The following ZBTB10 variants were observed in gnomAD, a reference collection of about 807,000 sequenced individuals.
ZBTB10 encodes zinc finger and BTB domain-containing protein 10.
In ZBTB10, 32 loss-of-function variants were observed where a neutral mutation model predicts 76.4. The observed-to-expected ratio is 0.42, with a 90% CI of 0.32 to 0.56. The LOEUF is 0.56. Among genes scored for constraint, ZBTB10 ranks in the 20% least tolerant of loss-of-function variants. The pLI, the probability that ZBTB10 is intolerant of heterozygous loss-of-function variation, is 0.14. For missense variants in ZBTB10, 1,057 were observed against 1,098.5 expected (o/e 0.96, Z 0.53); for synonymous variants, 523 against 432.9 (o/e 1.21, Z -2.58).
chr8:80,508,070 C>T (rs1010846979), intron 2 of ZBTB10, among the ~76,000 whole-genome samples: 2 of 152,146 alleles, frequency 1.3e-5, no homozygotes. Flanking sequence ...GCTTTCCTTC[C>T]CTGTATCATA....
At chr8:80,498,271 C>G (rs150605309) in intron 1 of ZBTB10, among the ~76,000 whole-genome samples, 1 of 152,338 alleles carries the variant, frequency 6.6e-6, no homozygotes, top group East Asian at 1.9e-4. Flanking sequence ...CCTGTTTACA[C>G]TCTAGTGTTT....
chr8:80,491,263 A>G (rs1210104105), intron 1 of ZBTB10, among the ~76,000 whole-genome samples: 3 of 152,178 alleles, frequency 2.0e-5, no homozygotes, highest in African/African-American at 2.4e-5. Context: ...ACAGTTGCCT[A>G]AAGTATTCCT....
At chr8:80,500,411 C>T (rs761857577) in intron 2 of ZBTB10, 29 bp downstream of exon 2, 1 of 1,468,530 alleles carries the variant, frequency 6.8e-7, no homozygotes, top group South Asian at 1.5e-5. Context: ...AGGATACTTC[C>T]TTGTTCATCC....
At position 80,507,798 on chromosome 8, in the gene ZBTB10, G is replaced by C. The variant is rs1473746149; in HGVS notation, c.1862-6112G>C. Among the ~76,000 whole-genome samples the C allele has an allele frequency of 2.0e-5, 3 of 152,236 alleles. No individual in the cohort carries two copies. The South Asian group carries it at 6.2e-4, about 32-fold the overall frequency. On this transcript the variant is annotated intron_variant, in intron 2 of 5. Coordinates refer to ENST00000455036, the MANE Select transcript of ZBTB10 (RefSeq NM_001105539.3). Reference sequence around the variant, plus strand: ...ATTTTTAAAATAGAGACAGGGTCTCGTTATGTTGCCCACACTGGTGTCCAG... The same window carrying C: ...ATTTTTAAAATAGAGACAGGGTCTCCTTATGTTGCCCACACTGGTGTCCAG...
intron 2 of ZBTB10, among the ~76,000 whole-genome samples, chr8:80,513,154 C>T (rs481477): frequency 0.45 from 67,401 of 151,340 alleles, 19,402 homozygotes; most frequent in African/African-American, 0.83. Flanking sequence ...ACTGTTTTTT[C>T]TTTTGAGTTG....
chr8:80,487,301 A>G lies in ZBTB10; in HGVS notation c.491A>G (p.Glu164Gly). ...NGRGPATVDL[E>G]LDALEGKELM... Reference sequence around the variant, plus strand: ...CGAGGGCCGGCGACTGTGGATCTGGAGCTGGACGCGCTGGAGGGGAAGGAG... The same window carrying G: ...CGAGGGCCGGCGACTGTGGATCTGGGGCTGGACGCGCTGGAGGGGAAGGAG... The change falls in exon 1 of 6, where the codon GAG (glutamate) becomes GGG (glycine). Residue 164 changes from glutamate to glycine, a missense_variant. Glu to Gly is a moderately conservative substitution (Grantham distance 98, BLOSUM62 -2). Around this residue, in one of 5 missense-constraint regions of ZBTB10, gnomAD observed 556 missense variants for 451.7 expected, o/e 1.23. Coordinates refer to ENST00000455036, the MANE Select transcript of ZBTB10 (RefSeq NM_001105539.3). The G allele has an allele frequency of 6.5e-7, 1 of 1,547,112 alleles. No homozygotes were observed. Among genetic ancestry groups the G allele is most frequent in the African/African-American group, 1.4e-5 (1 of 73,048 alleles).
rs377246011 is a variant in ZBTB10 at position 80,503,121 on chromosome 8, C to G, written c.1861+2739C>G. ...AATGAATTTAAAATTTAAAAATAAG[C>G]TGTGCCACCTACCCCCTGTAGTCCA... On this transcript the variant is annotated intron_variant, in intron 2 of 5. Coordinates refer to ENST00000455036, the MANE Select transcript of ZBTB10 (RefSeq NM_001105539.3). Among the ~76,000 whole-genome samples the G allele has an allele frequency of 1.1e-3, 170 of 152,262 alleles. 1 individual carries two copies. The highest frequency in any genetic ancestry group is 4.0e-3 in the African/African-American group (168 of 41,548).
chr8:80,519,470 A>T lies in ZBTB10; in HGVS notation c.2558A>T (p.Gln853Leu). The T allele has an allele frequency of 6.2e-7, 1 of 1,612,476 alleles. No homozygotes were observed. The change falls in exon 6 of 6, where the codon CAG becomes CTG. Residue 853 changes from glutamine to leucine, a missense_variant. Gln to Leu is a moderately radical substitution (Grantham distance 113, BLOSUM62 -2). Transcript: ENST00000455036. ...DEELVDDGEDQNDPSRWDESG... is the reference protein window; with the variant it reads ...DEELVDDGEDLNDPSRWDESG... ...GAGCTAGTTGATGATGGAGAAGATCAGAATGATCCCTCTCGATGGGATGAA... is the reference window on the plus strand; with the variant it reads ...GAGCTAGTTGATGATGGAGAAGATCTGAATGATCCCTCTCGATGGGATGAA...
rs533117472 is a variant in ZBTB10, at chr8:80,486,785, GGGCGGC to G, written c.-12_-7del. The G allele has an allele frequency of 1.4e-6, 2 of 1,382,136 alleles. No homozygotes were observed. The highest frequency in any genetic ancestry group is 3.2e-5 in the East Asian group (1 of 31,574). 85.6% of individuals were successfully genotyped at this position (1,382,136 alleles called of 1,614,324 possible). ...GAGGCCGTGCGCGAGCCGGGGCACC[GGGCGGC>G]GGCGGCGGCGGCGCGCGCCATGTCG... On this transcript the variant is annotated 5_prime_UTR_variant, in exon 1 of 6. Transcript: ENST00000455036.
At chr8:80,503,257 A>G (rs1006807724) in intron 2 of ZBTB10, among the ~76,000 whole-genome samples, 2 of 152,288 alleles carry the variant, frequency 1.3e-5, no homozygotes, top group African/African-American at 2.4e-5. Context: ...GGTCATGGCA[A>G]TCCTCCTTAA....
Position 80,487,081 on chromosome 8 carries a change from G to A in ZBTB10, c.271G>A (p.Ala91Thr), listed in dbSNP as rs1815488141. Reference protein sequence around the residue: ...AGPAAGAAEEAKELLLPQDAG... With the variant: ...AGPAAGAAEETKELLLPQDAG... ...GCCGGCCGCCGGCGCCGCCGAGGAA[G>A]CCAAGGAGTTGCTGCTCCCCCAAGA... is the stretch of plus-strand genomic sequence containing the variant. Residue 91 changes from alanine (A) to threonine (T), a missense_variant, in exon 1 of 6, where the codon GCC becomes ACC. Coordinates refer to ENST00000455036, the MANE Select transcript of ZBTB10 (RefSeq NM_001105539.3). 2 of 1,518,860 alleles carry A rather than the reference G, an allele frequency of 1.3e-6. No homozygotes were observed. The highest frequency in any genetic ancestry group is 8.8e-7 in the Non-Finnish European group (1 of 1,139,718). 94.1% of individuals were successfully genotyped at this position (1,518,860 alleles called of 1,614,324 possible). A position where few individuals can be genotyped will look rare whatever the true frequency, so the allele number is the denominator to read the frequency against.
rs2131526486 is a variant in ZBTB10, at chr8:80,523,757, G to T, written c.*4229G>T. On this transcript the variant is annotated 3_prime_UTR_variant, in exon 6 of 6. Coordinates refer to ENST00000455036, the MANE Select transcript of ZBTB10 (RefSeq NM_001105539.3). ...TTATGACATTGGGTACTTAAATTTG[G>T]AGTACACTAGCTATTGAGAACAATA... 6.6e-6 allele frequency: 1 copy of T among 152,016 alleles called. No individual in the cohort carries two copies. The highest frequency in any genetic ancestry group is 1.9e-4 in the East Asian group (1 of 5,184). 9.4% of individuals were successfully genotyped at this position (152,016 alleles called of 1,614,324 possible). A position where few individuals can be genotyped will look rare whatever the true frequency, so the allele number is the denominator to read the frequency against.
At chr8:80,518,624 TG>T in intron 4 of ZBTB10, 45 bp downstream of exon 4, 3 of 1,514,820 alleles carry the variant, frequency 2.0e-6, no homozygotes, top group Non-Finnish European at 2.6e-6. Context: ...ATTAAATAAT[TG>T]TTAACAATTA....
In ZBTB10 at chr8:80,500,203, A is replaced by G; in HGVS notation, c.1682A>G (p.Asn561Ser). ...GGTCAAACAAAAGTGTTTATTTGGA[A>G]TAATATGGGCTCCCAGGGAATTCAA... ...SEGQTKVFIW[N>S]NMGSQGIQET... The change falls in exon 2 of 6, where the codon AAT becomes AGT. Residue 561 changes from asparagine (N) to serine (S), a missense_variant. Physicochemically the swap from Asn to Ser is conservative, Grantham distance 46. Around this residue, in one of 5 missense-constraint regions of ZBTB10, gnomAD observed 306 missense variants for 297.5 expected, o/e 1.03. Transcript: ENST00000455036. 6.2e-7 allele frequency: 1 copy of G among 1,603,384 alleles called. No homozygotes were observed. The highest frequency in any genetic ancestry group is 8.5e-7 in the Non-Finnish European group (1 of 1,174,202).
chr8:80,523,512 T>C lies in ZBTB10; in HGVS notation c.*3984T>C, dbSNP rs1180902330. The C allele has an allele frequency of 6.6e-6, 1 of 151,960 alleles. No individual in the cohort carries two copies. The highest frequency in any genetic ancestry group is 1.5e-5 in the Non-Finnish European group (1 of 67,882). The allele number at this position is 151,960 out of a possible 1,614,324, so 9.4% of individuals were successfully genotyped here. On this transcript the variant is annotated 3_prime_UTR_variant, in exon 6 of 6. Transcript: ENST00000455036. ...CTGAAGAACTAGATAGAAACCCCAG[T>C]TTTTGTGCCGTTCAGTCACCCAGAT...
intron 3 of ZBTB10, 148 bp downstream of exon 3, chr8:80,514,156 G>T: frequency 1.5e-6 from 1 of 685,300 alleles, no homozygotes; most frequent in East Asian, 2.9e-5. Flanking sequence ...ATGATGACTG[G>T]AAAATTGGTA....
rs1301917531 is a variant in ZBTB10, at chr8:80,513,842, A to T, written c.1862-68A>T. 3 of 1,221,836 alleles carry T rather than the reference A, an allele frequency of 2.5e-6. No homozygotes were observed. In the East Asian group the frequency reaches 7.2e-5, roughly 29 times the overall value. The allele number at this position is 1,221,836 out of a possible 1,614,324, so 75.7% of individuals were successfully genotyped here. On this transcript the variant is annotated intron_variant, in intron 2 of 5. Transcript: ENST00000455036. ...TTTTATTTAAGAAACAGTTCCAAGA[A>T]AGAGTGGTGTTTTGGGTGGTGGCTA... is the stretch of plus-strand genomic sequence containing the variant.
rs1815884240 is a variant in ZBTB10 at position 80,500,102 on chromosome 8, A to G, written c.1581A>G (p.Gln527=). ...ATGGTTGTAATGTCGACGAGGGCCA[A>G]ATAGAAAACTACCAAATGAATGACA... is the stretch of plus-strand genomic sequence containing the variant. ...ENDGCNVDEG[Q]IENYQMNDSS... is the part of the protein sequence containing the mutation. The change falls in exon 2 of 6, where the codon CAA becomes CAG. Residue 527 remains glutamine (Q), a synonymous_variant. Transcript: ENST00000455036. The G allele has an allele frequency of 1.9e-6, 3 of 1,613,984 alleles. No individual in the cohort carries two copies. Among genetic ancestry groups the G allele is most frequent in the Non-Finnish European group, 1.7e-6 (2 of 1,179,874 alleles).
At chr8:80,489,416 T>A (rs571668401) in intron 1 of ZBTB10, among the ~76,000 whole-genome samples, 54 of 152,376 alleles carry the variant, frequency 3.5e-4, no homozygotes, top group East Asian at 3.5e-3. Context: ...AATGAAAGTT[T>A]AATTTTCCAA....
Sources: allele counts gnomAD v4.1 joint callset (sites outside exome capture counted in the v4.1 genomes callset), GRCh38; gene constraint gnomAD v4.1.1; regional missense constraint gnomAD v4.1.1; transcripts MANE v1.5; gene names NCBI Gene and HGNC (gene_info 2026-07-23, HGNC 2026-07-21).